The following HECW1 variants were observed in gnomAD, a reference collection of about 807,000 sequenced individuals.
The protein encoded by HECW1 is E3 ubiquitin-protein ligase HECW1.
HECW1 carries 61 observed loss-of-function variants against 182.3 expected under a neutral mutation model. That is an observed-to-expected ratio of 0.33 (90% CI 0.27 to 0.41). The LOEUF (loss-of-function observed/expected upper bound fraction) is 0.41, where lower values mean the gene tolerates loss of function less well. Ranked by LOEUF, HECW1 falls within the 10% of genes least tolerant of loss-of-function variation. The pLI, the probability that HECW1 is intolerant of heterozygous loss-of-function variation, is 1.00. For missense variants in HECW1, 1,739 were observed against 2,108.9 expected (o/e 0.82, Z 3.44); for synonymous variants, 859 against 832.6 (o/e 1.03, Z -0.55).
chr7:43,500,887 T>G (rs2079323290), intron 20 of HECW1, 105 bp downstream of exon 20: 1 of 900,156 alleles, frequency 1.1e-6, no homozygotes. Flanking sequence ...CACCGCTTGT[T>G]CTAGAGGATT....
intron 5 of HECW1, among the ~76,000 whole-genome samples, chr7:43,350,911 A>G (rs1366831761): frequency 6.6e-6 from 1 of 152,108 alleles, no homozygotes; most frequent in African/African-American, 2.4e-5. Context: ...CTGGTGCACT[A>G]GTGTGATTTT....
intron 6 of HECW1, among the ~76,000 whole-genome samples, chr7:43,392,682 A>G (rs973445370): frequency 2.0e-5 from 3 of 152,194 alleles, no homozygotes; most frequent in Non-Finnish European, 2.9e-5. Flanking sequence ...GTCAGCACAC[A>G]TATATGACTG....
chr7:43,138,199 G>A (rs531994898), intron 2 of HECW1, among the ~76,000 whole-genome samples: 6 of 152,314 alleles, frequency 3.9e-5, no homozygotes, highest in African/African-American at 1.2e-4. Flanking sequence ...TCAGTGATTG[G>A]AATTGCTGCT....
chr7:43,221,900 C>T (rs759291404), intron 2 of HECW1, among the ~76,000 whole-genome samples: 2 of 152,028 alleles, frequency 1.3e-5, no homozygotes, highest in Non-Finnish European at 2.9e-5. Flanking sequence ...GTTGCAATGC[C>T]AAATGACTGT....
intron 12 of HECW1, among the ~76,000 whole-genome samples, chr7:43,454,405 AT>A (rs1351319679): frequency 1.3e-5 from 2 of 152,234 alleles, no homozygotes; most frequent in African/African-American, 2.4e-5. Flanking sequence ...ATCCATTAAA[AT>A]TTTTAAGTTT....
intron 2 of HECW1, among the ~76,000 whole-genome samples, chr7:43,198,112 A>T (rs1047585815): frequency 2.7e-5 from 4 of 150,400 alleles, no homozygotes; most frequent in Admixed American, 6.6e-5. Context: ...CACTCACCCT[A>T]CACATACCCA....
At chr7:43,347,633 C>G (rs1029744393) in intron 5 of HECW1, among the ~76,000 whole-genome samples, 6 of 151,992 alleles carry the variant, frequency 3.9e-5, no homozygotes, top group South Asian at 2.1e-4. Context: ...CAACTTTTCC[C>G]CATTCAGTAT....
chr7:43,446,726 C>A (rs557031465), intron 11 of HECW1, among the ~76,000 whole-genome samples: 1 of 152,006 alleles, frequency 6.6e-6, no homozygotes, highest in African/African-American at 2.4e-5. Context: ...GAGAAGGTGG[C>A]ACATGCAATA....
At chr7:43,554,024 T>G (rs1018705550) in intron 28 of HECW1, among the ~76,000 whole-genome samples, 1 of 152,230 alleles carries the variant, frequency 6.6e-6, no homozygotes, top group African/African-American at 2.4e-5. Context: ...CAGCTTACTG[T>G]GAGAGGGACC....
chr7:43,548,229 T>G (rs1040301186), intron 26 of HECW1, among the ~76,000 whole-genome samples: 25 of 149,228 alleles, frequency 1.7e-4, no homozygotes, highest in African/African-American at 5.9e-4. Flanking sequence ...TTTTATGGAC[T>G]CATTACATTT....
intron 5 of HECW1, among the ~76,000 whole-genome samples, chr7:43,345,450 A>G (rs1813558305): frequency 6.6e-6 from 1 of 151,872 alleles, no homozygotes; most frequent in Non-Finnish European, 1.5e-5. Context: ...TTTATTTTCC[A>G]TAAGTTATTG....
intron 3 of HECW1, among the ~76,000 whole-genome samples, chr7:43,279,491 C>T (rs923336340): frequency 7.2e-5 from 11 of 152,046 alleles, no homozygotes; most frequent in Admixed American, 5.9e-4. Context: ...GAGCCTAACC[C>T]GACCATCCAC....
intron 6 of HECW1, among the ~76,000 whole-genome samples, chr7:43,393,372 T>C (rs1261889345): frequency 6.6e-6 from 1 of 152,184 alleles, no homozygotes; most frequent in Non-Finnish European, 1.5e-5. Flanking sequence ...GTCAATAAAC[T>C]GTAAAGAGTC....
intron 2 of HECW1, among the ~76,000 whole-genome samples, chr7:43,198,593 C>A (rs1794723496): frequency 6.7e-6 from 1 of 150,120 alleles, no homozygotes; most frequent in Admixed American, 6.6e-5. Context: ...ACACACCATA[C>A]ACACCCCACA....
At chr7:43,405,902 C>T (rs2075594208) in intron 7 of HECW1, among the ~76,000 whole-genome samples, 1 of 152,176 alleles carries the variant, frequency 6.6e-6, no homozygotes, top group Non-Finnish European at 1.5e-5. Context: ...GCTTGTACTT[C>T]CTGCCTTTTT....
intron 7 of HECW1, among the ~76,000 whole-genome samples, chr7:43,404,973 T>C (rs1472458117): frequency 1.4e-5 from 2 of 146,752 alleles, no homozygotes; most frequent in Non-Finnish European, 3.0e-5. Flanking sequence ...TGAAACTCCA[T>C]GTCAAAAAAA....
intron 2 of HECW1, among the ~76,000 whole-genome samples, chr7:43,166,423 C>G (rs1172719352): frequency 6.6e-6 from 1 of 152,108 alleles, no homozygotes; most frequent in African/African-American, 2.4e-5. Flanking sequence ...GAGTGATAAG[C>G]TAGATGCCTA....
intron 2 of HECW1, among the ~76,000 whole-genome samples, chr7:43,138,424 A>G (rs901715650): frequency 2.0e-5 from 3 of 152,188 alleles, no homozygotes; most frequent in African/African-American, 7.2e-5. Context: ...CTGCCAGTAA[A>G]TTAATTAGGA....
At chr7:43,210,582 C>T (rs961658969) in intron 2 of HECW1, among the ~76,000 whole-genome samples, 1 of 152,046 alleles carries the variant, frequency 6.6e-6, no homozygotes, top group African/African-American at 2.4e-5. Context: ...TTCTTGGCCT[C>T]ATGGATTCCA....
Sources: gnomAD v4.1 joint callset for allele counts (sites outside exome capture counted in the v4.1 genomes callset) on GRCh38, gnomAD v4.1.1 for gene constraint, MANE v1.5 for transcripts, NCBI Gene and HGNC (gene_info 2026-07-23, HGNC 2026-07-21) for gene names.